Variants in ZNF202 observed in about 807,000 individuals in gnomAD.
ZNF202 encodes the protein zinc finger protein 202.
ZNF202 carries 22 observed loss-of-function variants against 54.5 expected under a neutral mutation model. The ratio of observed to expected loss-of-function variants is 0.40; its 90% CI spans 0.29 to 0.58. The LOEUF is 0.58. ZNF202 is among the 20% of genes least tolerant of loss of function. The pLI is 0.39. For missense variants in ZNF202, 644 were observed against 805.5 expected, an observed-to-expected ratio of 0.80 and a Z score of 2.43; for synonymous variants, 294 against 301.4, an observed-to-expected ratio of 0.98 and a Z score of 0.26.
At chr11:123,736,143 C>T (rs1188224434) in intron 3 of ZNF202, among the ~76,000 whole-genome samples, 4 of 152,124 alleles carry the variant, frequency 2.6e-5, no homozygotes, top group Non-Finnish European at 2.9e-5. Context: ...GAAGGTGTCA[C>T]GTGGCAGTGA....
At chr11:123,740,921 G>A (rs1861834627) in intron 1 of ZNF202, among the ~76,000 whole-genome samples, 1 of 129,978 alleles carries the variant, frequency 7.7e-6, no homozygotes, top group Admixed American at 7.6e-5. Context: ...AGTGGAGACA[G>A]CAGCTACTGG....
intron 3 of ZNF202, among the ~76,000 whole-genome samples, chr11:123,739,233 T>C (rs542987634): frequency 1.1e-4 from 17 of 152,328 alleles, no homozygotes; most frequent in African/African-American, 3.8e-4. Flanking sequence ...TAAGCATTTA[T>C]TCCAATCTCT....
intron 3 of ZNF202, among the ~76,000 whole-genome samples, chr11:123,731,797 T>C (rs1861418701): frequency 6.6e-6 from 1 of 152,230 alleles, no homozygotes; most frequent in Non-Finnish European, 1.5e-5. Flanking sequence ...GCACCAGCTA[T>C]TATCTTTCTA....
chr11:123,727,526 T>C lies in ZNF202; in HGVS notation c.902A>G (p.Gln301Arg), dbSNP rs144410387. 3.1e-6 allele frequency: 5 copies of C among 1,614,044 alleles called. No homozygotes were observed. The African/African-American group carries it at 6.7e-5, about 22-fold the overall frequency. ...REEEPWVPDIQEPQETQEPEI... is the reference protein window; with the variant it reads ...REEEPWVPDIREPQETQEPEI... ...TGGCTCTTGAGTCTCCTGAGGCTCTTGGATATCTGGGACCCAAGGCTCTTC... is the reference window on the plus strand; with the variant it reads ...TGGCTCTTGAGTCTCCTGAGGCTCTCGGATATCTGGGACCCAAGGCTCTTC... Residue 301 changes from glutamine (Q) to arginine (R), a missense_variant, in exon 8 of 9, where the codon CAA becomes CGA. By Grantham distance (43) the Gln-to-Arg change is conservative. Around this residue, in one of 3 missense-constraint regions of ZNF202, gnomAD observed 536 missense variants for 635.3 expected, o/e 0.84. Coordinates refer to ENST00000530393, the MANE Select transcript of ZNF202 (RefSeq NM_003455.4).
chr11:123,735,688 A>T (rs1034678403), intron 3 of ZNF202, among the ~76,000 whole-genome samples: 1 of 152,196 alleles, frequency 6.6e-6, no homozygotes, highest in Non-Finnish European at 1.5e-5. Flanking sequence ...TAAAGGATAA[A>T]GCCCTCTGCA....
intron 3 of ZNF202, among the ~76,000 whole-genome samples, chr11:123,734,612 CAT>C (rs1861554125): frequency 6.6e-6 from 1 of 152,122 alleles, no homozygotes; most frequent in South Asian, 2.1e-4. Flanking sequence ...ACAGCATGCA[CAT>C]GTGTCTATTT....
In ZNF202 at chr11:123,725,896, C is replaced by G; in HGVS notation, c.*101G>C. 1 of 1,389,438 alleles carries G rather than the reference C, an allele frequency of 7.2e-7. No homozygotes were observed. The highest frequency in any genetic ancestry group is 2.5e-5 in the Admixed American group (1 of 39,618). 86.1% of individuals were successfully genotyped at this position (1,389,438 alleles called of 1,614,324 possible). A position where few individuals can be genotyped will look rare whatever the true frequency, so the allele number is the denominator to read the frequency against. ...GTCAGATCTGAGCAGGTCAGGGAGACTCCCTCGAAAAGGTCTTCCCAGGCT... is the reference window on the plus strand; with the variant it reads ...GTCAGATCTGAGCAGGTCAGGGAGAGTCCCTCGAAAAGGTCTTCCCAGGCT... On this transcript the variant is annotated 3_prime_UTR_variant, in exon 9 of 9. Coordinates refer to ENST00000530393, the MANE Select transcript of ZNF202 (RefSeq NM_003455.4).
rs1861801749 is a variant in ZNF202 at position 123,740,142 on chromosome 11, G to GA, written c.-124dup. On this transcript the variant is annotated 5_prime_UTR_variant, in exon 3 of 9. Transcript: ENST00000530393. Reference sequence around the variant, plus strand: ...CTCATCTGTACAATTTGCAATGGCTGAGTCCCTCACATTGTGGTAAACCTT... The same window carrying GA: ...CTCATCTGTACAATTTGCAATGGCTGAAGTCCCTCACATTGTGGTAAACCTT... 6.6e-6 allele frequency: 1 copy of GA among 152,210 alleles called. No individual in the cohort carries two copies. Among genetic ancestry groups the GA allele is most frequent in the Admixed American group, 6.5e-5 (1 of 15,284 alleles). The allele number at this position is 152,210 out of a possible 1,614,324, so 9.4% of individuals were successfully genotyped here. A position where few individuals can be genotyped will look rare whatever the true frequency, so the allele number is the denominator to read the frequency against.
rs1861816279 is a variant in ZNF202, at chr11:123,740,530, G to A, written c.-287C>T. The A allele has an allele frequency of 6.6e-6, 1 of 152,304 alleles. No homozygotes were observed. The highest frequency in any genetic ancestry group is 1.5e-5 in the Non-Finnish European group (1 of 68,126). 9.4% of individuals were successfully genotyped at this position (152,304 alleles called of 1,614,324 possible). ...TGGCTTCTGAGTGTAGCTGCCCTGG[G>A]TGTCACCTGCAGAGCGTGGATAGAG... On this transcript the variant is annotated 5_prime_UTR_variant, in exon 2 of 9. Coordinates refer to ENST00000530393, the MANE Select transcript of ZNF202 (RefSeq NM_003455.4).
At position 123,730,855 on chromosome 11, in the gene ZNF202, G is replaced by A; in HGVS notation, c.34C>T (p.Leu12Phe). The change falls in exon 4 of 9, where the codon CTT (leucine) becomes TTT (phenylalanine). Residue 12 changes from leucine to phenylalanine, a missense_variant. Coordinates refer to ENST00000530393, the MANE Select transcript of ZNF202 (RefSeq NM_003455.4). The surrounding 1 kb of genome is among the most constrained non-coding windows in gnomAD (Gnocchi z 6.0). Reference sequence around the variant, plus strand: ...ATCAGAATTCCCTCTTCTTCCCAAAGATCCTGGTCCTCTGGTTCCACGGCT... The same window carrying A: ...ATCAGAATTCCCTCTTCTTCCCAAAAATCCTGGTCCTCTGGTTCCACGGCT... ...ATAVEPEDQDLWEEEGILMVK... is the reference protein window; with the variant it reads ...ATAVEPEDQDFWEEEGILMVK... The A allele has an allele frequency of 6.2e-7, 1 of 1,614,140 alleles. No homozygotes were observed. Among genetic ancestry groups the A allele is most frequent in the Non-Finnish European group, 8.5e-7 (1 of 1,180,004 alleles).
chr11:123,737,746 T>C (rs1861690967), intron 3 of ZNF202, among the ~76,000 whole-genome samples: 1 of 152,234 alleles, frequency 6.6e-6, no homozygotes, highest in Non-Finnish European at 1.5e-5. Context: ...CAGTAGATAG[T>C]TGCCTTCGGC....
At chr11:123,729,352 G>T in intron 5 of ZNF202, 138 bp from the exon 6 acceptor site, 1 of 905,692 alleles carries the variant, frequency 1.1e-6, no homozygotes, top group South Asian at 1.6e-5. Context: ...CTGGCCTAAG[G>T]GTAGCTCCCA....
chr11:123,730,403 A>C lies in ZNF202; in HGVS notation c.402+84T>G, dbSNP rs1861354554. 3 of 1,463,288 alleles carry C rather than the reference A, an allele frequency of 2.1e-6. No individual in the cohort carries two copies. The Admixed American group carries it at 7.0e-5, about 34-fold the overall frequency. 90.6% of individuals were successfully genotyped at this position (1,463,288 alleles called of 1,614,324 possible). A position where few individuals can be genotyped will look rare whatever the true frequency, so the allele number is the denominator to read the frequency against. On this transcript the variant is annotated intron_variant, in intron 4 of 8. Coordinates refer to ENST00000530393, the MANE Select transcript of ZNF202 (RefSeq NM_003455.4). The surrounding 1 kb of genome is among the most constrained non-coding windows in gnomAD (Gnocchi z 6.0). ...CAGAGCCCACTAATAATTTATGGGG[A>C]TCCTGCAAGCTCTCCCCGCAAATCC...
At chr11:123,737,945 T>C (rs1591390381) in intron 3 of ZNF202, among the ~76,000 whole-genome samples, 2 of 152,146 alleles carry the variant, frequency 1.3e-5, no homozygotes, top group Admixed American at 6.5e-5. Context: ...TATTGAATAT[T>C]TGGGCCATAA....
At position 123,734,039 on chromosome 11, in the gene ZNF202, T is replaced by C. The variant is rs574172064; in HGVS notation, c.-97-3054A>G. On this transcript the variant is annotated intron_variant, in intron 3 of 8. Coordinates refer to ENST00000530393, the MANE Select transcript of ZNF202 (RefSeq NM_003455.4). ...GGTAAAGTCAGCTTATACTTATTTTTCTAGTGGTTATTTCTTTTTCCTTCT... is the reference window on the plus strand; with the variant it reads ...GGTAAAGTCAGCTTATACTTATTTTCCTAGTGGTTATTTCTTTTTCCTTCT... 6.9e-4 allele frequency among the ~76,000 whole-genome samples: 105 copies of C among 152,294 alleles called. 1 individual carries two copies. The highest frequency in any genetic ancestry group is 2.4e-3 in the African/African-American group (101 of 41,570).
intron 3 of ZNF202, among the ~76,000 whole-genome samples, chr11:123,737,085 T>C (rs1490927055): frequency 1.3e-5 from 2 of 151,176 alleles, no homozygotes; most frequent in Non-Finnish European, 3.0e-5. Context: ...ACTTATGAAG[T>C]AGGATTAAAT....
At chr11:123,734,626 T>C (rs1390955736) in intron 3 of ZNF202, among the ~76,000 whole-genome samples, 1 of 152,156 alleles carries the variant, frequency 6.6e-6, no homozygotes, top group Non-Finnish European at 1.5e-5. Flanking sequence ...TGTCTATTTT[T>C]TGTGTCATCA....
intron 3 of ZNF202, among the ~76,000 whole-genome samples, chr11:123,732,211 T>C (rs999615106): frequency 6.6e-6 from 1 of 152,194 alleles, no homozygotes; most frequent in Non-Finnish European, 1.5e-5. Flanking sequence ...GCCTCCAGAT[T>C]TGTCACCTTC....
At chr11:123,727,096 A>G (rs679597) in intron 8 of ZNF202, 105 bp from the exon 9 acceptor site, 965,599 of 1,395,536 alleles carry the variant, frequency 0.69, 335,662 homozygotes, top group Middle Eastern at 0.79. Context: ...AAGACTAAAT[A>G]GAATGCCTGT....
Sources: allele counts gnomAD v4.1 joint callset (sites outside exome capture counted in the v4.1 genomes callset), GRCh38; gene constraint gnomAD v4.1.1; regional missense constraint gnomAD v4.1.1; non-coding constraint Gnocchi (gnomAD v3.1); transcripts MANE v1.5; gene names NCBI Gene and HGNC (gene_info 2026-07-23, HGNC 2026-07-21).